The following SPG11 variants were observed in gnomAD, a reference collection of about 807,000 sequenced individuals.
SPG11 encodes SPG11 vesicle trafficking associated, spatacsin.
Under a neutral mutation model 274.0 loss-of-function variants are expected in SPG11, and 222 were observed. That is an observed-to-expected ratio of 0.81 (90% CI 0.73 to 0.91). The LOEUF (loss-of-function observed/expected upper bound fraction) is 0.91, where lower values mean the gene tolerates loss of function less well. SPG11 is among the 40% of genes least tolerant of loss of function. SPG11 has a pLI of 0.00. For synonymous variants in SPG11, 1,144 were observed against 1,039.7 expected, an observed-to-expected ratio of 1.10 and a Z score of -1.93; for missense variants, 3,114 against 2,872.7, an observed-to-expected ratio of 1.08 and a Z score of -1.92.
rs1271240560 is a variant in SPG11 at position 44,572,945 on chromosome 15, C to T, written c.6206-125G>A. 5.5e-6 allele frequency: 5 copies of T among 913,402 alleles called. No individual in the cohort carries two copies. In the East Asian group the frequency reaches 9.8e-5, roughly 18 times the overall value. 56.6% of individuals were successfully genotyped at this position (913,402 alleles called of 1,614,324 possible). A position where few individuals can be genotyped will look rare whatever the true frequency, so the allele number is the denominator to read the frequency against. ...GCTCTCCGCTTGCTGAGCTTGAAAC[C>T]CTTGGCCTATTGGTCATTTTATAGG... On this transcript the variant is annotated intron_variant, in intron 32 of 39. Transcript: ENST00000261866.
At chr15:44,579,307 C>T (rs950332467) in intron 30 of SPG11, among the ~76,000 whole-genome samples, 1 of 151,358 alleles carries the variant, frequency 6.6e-6, no homozygotes, top group Non-Finnish European at 1.5e-5. Flanking sequence ...GGTGGATCAC[C>T]TGCAGTCAGG....
intron 17 of SPG11, 106 bp from the exon 18 acceptor site, chr15:44,611,091 T>TAAAAAAAAAAAA (rs35831490): frequency 7.8e-4 from 55 of 70,088 alleles, no homozygotes; most frequent in East Asian, 3.5e-3. Flanking sequence ...CTATCCCCAG[T>TAAAAAAAAAAAA]AAAAAAAAAA....
chr15:44,611,648 T>C (rs1047392765), intron 17 of SPG11, among the ~76,000 whole-genome samples: 5 of 152,100 alleles, frequency 3.3e-5, no homozygotes, highest in African/African-American at 7.2e-5. Flanking sequence ...GAAAATAATC[T>C]GAAATAAGGA....
chr15:44,656,997 G>A (rs2084958435), intron 4 of SPG11, 98 bp downstream of exon 4: 2 of 1,031,936 alleles, frequency 1.9e-6, no homozygotes, highest in South Asian at 3.0e-5. Context: ...AATAGAAAAA[G>A]AAACACTAGT....
chr15:44,648,739 A>C (rs931400121), intron 7 of SPG11, 127 bp downstream of exon 7: 1 of 1,102,326 alleles, frequency 9.1e-7, no homozygotes, highest in Non-Finnish European at 1.4e-6. Flanking sequence ...GAACTGTTTA[A>C]ATAGATATAC....
intron 3 of SPG11, 72 bp downstream of exon 3, chr15:44,659,007 C>A (rs2141125558): frequency 6.9e-7 from 1 of 1,454,042 alleles, no homozygotes; most frequent in East Asian, 2.3e-5. Flanking sequence ...AAAACTAAAG[C>A]CTAAAAAGGC....
rs756006414 is a variant in SPG11 at position 44,596,402 on chromosome 15, C to T, written c.4162-47G>A. 5 of 1,605,276 alleles carry T rather than the reference C, an allele frequency of 3.1e-6. No homozygotes were observed. In the Admixed American group the frequency reaches 5.0e-5, roughly 16 times the overall value. On this transcript the variant is annotated intron_variant, in intron 24 of 39. Coordinates refer to ENST00000261866, the MANE Select transcript of SPG11 (RefSeq NM_025137.4). ...TAAACAGAAACCCAACTTTCAGTTTCAGCTGGAGCTGAAAATGTTAGAGAA... is the reference window on the plus strand; with the variant it reads ...TAAACAGAAACCCAACTTTCAGTTTTAGCTGGAGCTGAAAATGTTAGAGAA...
chr15:44,595,193 A>G, intron 26 of SPG11, 66 bp downstream of exon 26: 1 of 1,498,500 alleles, frequency 6.7e-7, no homozygotes, highest in Non-Finnish European at 9.3e-7. Flanking sequence ...AATAAGAAAA[A>G]GCCAAGAAGG....
Position 44,589,291 on chromosome 15 carries a change from A to G in SPG11, c.4867T>C (p.Leu1623=). Residue 1623 remains leucine (L), a synonymous_variant, in exon 28 of 40, where the codon TTA becomes CTA. Coordinates refer to ENST00000261866, the MANE Select transcript of SPG11 (RefSeq NM_025137.4). ...TGCTCTCTTTCAACAAAGAGCTGTA[A>G]AAGCTTCCCCAGCTCATACTGGGTC... ...CKTQYELGKL[L]QLFVEREHLF... is the part of the protein sequence containing the mutation. The G allele has an allele frequency of 6.2e-7, 1 of 1,614,132 alleles. No homozygotes were observed. Among genetic ancestry groups the G allele is most frequent in the Non-Finnish European group, 8.5e-7 (1 of 1,179,996 alleles).
At chr15:44,573,326 G>A (rs1411493158) in intron 32 of SPG11, 5 of 636,684 alleles carry the variant, frequency 7.9e-6, no homozygotes, top group African/African-American at 5.5e-5. Context: ...TACTCCCAGT[G>A]TAATCATAAA....
In SPG11 at chr15:44,619,473, A is replaced by G. The variant is rs146051472; in HGVS notation, c.2834+717T>C. On this transcript the variant is annotated intron_variant, in intron 15 of 39. Coordinates refer to ENST00000261866, the MANE Select transcript of SPG11 (RefSeq NM_025137.4). ...AAATCTTCACATCACTTCAAGAGCT[A>G]CTTCCCCTCATTATTTCTTAATTCA... Among the ~76,000 whole-genome samples, 565 of 152,288 alleles carry G rather than the reference A, an allele frequency of 3.7e-3. 2 individuals carry two copies. Among genetic ancestry groups the G allele is most frequent in the African/African-American group, 0.013 (540 of 41,558 alleles).
In SPG11 at chr15:44,628,725, G is replaced by C; in HGVS notation, c.2011C>G (p.His671Asp). 1 of 1,613,686 alleles carries C rather than the reference G, an allele frequency of 6.2e-7. No individual in the cohort carries two copies. Among genetic ancestry groups the C allele is most frequent in the Non-Finnish European group, 8.5e-7 (1 of 1,179,888 alleles). Reference protein sequence around the residue: ...LTDAIDEYDVHENVPKVKESN... With the variant: ...LTDAIDEYDVDENVPKVKESN... ...TCCTTTACTTTGGGGACATTTTCAT[G>C]TACATCATATTCATCTATAGCATCT... The change falls in exon 10 of 40, where the codon CAT (histidine) becomes GAT (aspartate). Residue 671 changes from histidine to aspartate, a missense_variant. Physicochemically the swap from His to Asp is moderately conservative, Grantham distance 81 (BLOSUM62 -1). Coordinates refer to ENST00000261866, the MANE Select transcript of SPG11 (RefSeq NM_025137.4).
chr15:44,583,678 T>C, intron 30 of SPG11, 136 bp downstream of exon 30: 1 of 1,037,606 alleles, frequency 9.6e-7, no homozygotes, highest in Non-Finnish European at 1.5e-6. Context: ...AATTGGCTAG[T>C]CTACAGATTA....
In SPG11 at chr15:44,567,493, G is replaced by A. The variant is rs751245734; in HGVS notation, c.6685C>T (p.Arg2229Trp). Reference sequence around the variant, plus strand: ...GCCTCGTGGTTCTCGCCAATCTCCCGGCACATGCTGAAGCACAGGGCAATC... The same window carrying A: ...GCCTCGTGGTTCTCGCCAATCTCCCAGCACATGCTGAAGCACAGGGCAATC... ...NMIALCFSMCREIGENHEAAA... is the reference protein window; with the variant it reads ...NMIALCFSMCWEIGENHEAAA... Residue 2229 changes from arginine (R) to tryptophan (W), a missense_variant, in exon 36 of 40, where the codon CGG becomes TGG. Arg to Trp is a moderately radical substitution (Grantham distance 101, BLOSUM62 -3). Transcript: ENST00000261866. 2.4e-5 allele frequency: 39 copies of A among 1,613,832 alleles called. No individual in the cohort carries two copies. Among genetic ancestry groups the A allele is most frequent in the Non-Finnish European group, 3.0e-5 (35 of 1,180,006 alleles).
In SPG11 at chr15:44,633,324, CAAAAAAAAAAAAAAAAAAAAAAAAA is replaced by C. The variant is rs531787427; in HGVS notation, c.1735+156_1735+180del. The C allele has an allele frequency of 7.5e-4, 82 of 108,862 alleles. 2 individuals are homozygous for C. The highest frequency in any genetic ancestry group is 6.8e-3 in the Middle Eastern group (2 of 292). 6.7% of individuals were successfully genotyped at this position (108,862 alleles called of 1,614,324 possible). On this transcript the variant is annotated intron_variant, in intron 8 of 39. Transcript: ENST00000261866. ...TAGGCAACAGAGTGAGACTCTGTCT[CAAAAAAAAAAAAAAAAAAAAAAAAA>C]AAAAAAAAAAAAAGAAAGTTTCCAA... is the stretch of plus-strand genomic sequence containing the variant.
chr15:44,638,677 G>A (rs753052339), intron 7 of SPG11, among the ~76,000 whole-genome samples: 1 of 152,096 alleles, frequency 6.6e-6, no homozygotes, highest in African/African-American at 2.4e-5. Flanking sequence ...TCACCTGGAT[G>A]GTGGTTACAA....
rs775781498 is a variant in SPG11 at position 44,651,867 on chromosome 15, A to G, written c.1080T>C (p.Ala360=). Residue 360 remains alanine, a synonymous_variant, in exon 6 of 40, where the codon GCT becomes GCC. Transcript: ENST00000261866. ...AATGCAAAATATCCTGGAACCATGG[A>G]GCACAACAGGAAACCTCCAGTTTGG... ...KNSKLEVSCC[A]PWFQDILHLE... 1.9e-6 allele frequency: 3 copies of G among 1,613,734 alleles called. No individual in the cohort carries two copies. The highest frequency in any genetic ancestry group is 8.5e-7 in the Non-Finnish European group (1 of 1,179,762).
intron 7 of SPG11, among the ~76,000 whole-genome samples, chr15:44,641,922 G>GAAAAAAAAAAAAAAAAAAAA (rs71111874): frequency 1.8e-5 from 1 of 55,918 alleles, no homozygotes; most frequent in African/African-American, 6.0e-5. Flanking sequence ...CTGCTTAACA[G>GAAAAAAAAAAAAAAAAAAAA]AAAAAAAAAA....
At position 44,595,360 on chromosome 15, in the gene SPG11, C is replaced by T; in HGVS notation, c.4534G>A (p.Asp1512Asn). The change falls in exon 26 of 40, where the codon GAC (aspartate) becomes AAC (asparagine). Residue 1512 changes from aspartate (D) to asparagine (N), a missense_variant. Asp to Asn is a conservative substitution (Grantham distance 23). Transcript: ENST00000261866. ...AMGHIQDSTEDHTWNLEDLSV... is the reference protein window; with the variant it reads ...AMGHIQDSTENHTWNLEDLSV... Reference sequence around the variant, plus strand: ...AGATCCTCAAGGTTCCAGGTATGGTCCTCTGTTGAGTCCTGAATGTGTCCC... The same window carrying T: ...AGATCCTCAAGGTTCCAGGTATGGTTCTCTGTTGAGTCCTGAATGTGTCCC... The T allele has an allele frequency of 6.2e-7, 1 of 1,614,204 alleles. No homozygotes were observed. Among genetic ancestry groups the T allele is most frequent in the South Asian group, 1.1e-5 (1 of 91,084 alleles).
Sources: gnomAD v4.1 joint callset for allele counts (sites outside exome capture counted in the v4.1 genomes callset) on GRCh38, gnomAD v4.1.1 for gene constraint, MANE v1.5 for transcripts, NCBI Gene and HGNC (gene_info 2026-07-23, HGNC 2026-07-21) for gene names.